ITGA9: variants seen among roughly 807,000 people sequenced by gnomAD.
The protein encoded by ITGA9 is integrin subunit alpha 9.
In ITGA9, 56 loss-of-function variants were observed where a neutral mutation model predicts 127.8. That is an observed-to-expected ratio of 0.44 (90% CI 0.35 to 0.55). ITGA9 has a LOEUF of 0.55. Ranked by LOEUF, ITGA9 falls within the 20% of genes least tolerant of loss-of-function variation. The probability of loss-of-function intolerance (pLI) is 0.00; values close to 1 mark genes in which losing one functional copy is unlikely to be tolerated. For missense variants in ITGA9, 1,196 were observed against 1,347.1 expected (o/e 0.89, Z 1.76); for synonymous variants, 508 against 514.5 (o/e 0.99, Z 0.17).
intron 1 of ITGA9, among the ~76,000 whole-genome samples, chr3:37,464,276 G>GTTT (rs34372799): frequency 3.6e-5 from 5 of 140,664 alleles, no homozygotes; most frequent in African/African-American, 1.3e-4. Context: ...ATTTGTCAGG[G>GTTT]TTTTTTTTTT....
At chr3:37,553,150 C>CAG (rs1559534944) in intron 15 of ITGA9, among the ~76,000 whole-genome samples, 2 of 152,160 alleles carry the variant, frequency 1.3e-5, no homozygotes, top group African/African-American at 4.8e-5. Context: ...TCTATCTATT[C>CAG]GTACTTCTTA....
rs572314981 is a variant in ITGA9 at position 37,486,077 on chromosome 3, T to G, written c.544+4470T>G. ...CGAAATGTTAAGTCAATGCATGTGA[T>G]AAAATCAAGTACAGAGATTTCTTTC... On this transcript the variant is annotated intron_variant, in intron 4 of 27. Coordinates refer to ENST00000264741, the MANE Select transcript of ITGA9 (RefSeq NM_002207.3). Among the ~76,000 whole-genome samples the G allele has an allele frequency of 5.3e-5, 8 of 152,350 alleles. No homozygotes were observed. In the South Asian group the frequency reaches 1.7e-3, roughly 32 times the overall value.
intron 11 of ITGA9, among the ~76,000 whole-genome samples, chr3:37,522,720 C>T (rs1436485437): frequency 1.0e-5 from 1 of 99,252 alleles, no homozygotes; most frequent in Non-Finnish European, 2.2e-5. Context: ...AAGACTCTAT[C>T]TCTTAAAAAA....
chr3:37,486,491 C>T (rs1052153711), intron 4 of ITGA9, among the ~76,000 whole-genome samples: 16 of 152,126 alleles, frequency 1.1e-4, no homozygotes, highest in Non-Finnish European at 2.1e-4. Flanking sequence ...AGTGCTCAGT[C>T]GAGAGTGAAT....
intron 17 of ITGA9, among the ~76,000 whole-genome samples, chr3:37,654,412 A>G (rs1156623891): frequency 6.6e-6 from 1 of 152,156 alleles, no homozygotes; most frequent in Admixed American, 6.6e-5. Flanking sequence ...CTCTTTGCCA[A>G]CCTTTTATTT....
chr3:37,686,152 A>AG (rs199785025), intron 18 of ITGA9, among the ~76,000 whole-genome samples: 12,075 of 152,198 alleles, frequency 0.079, 626 homozygotes, highest in East Asian at 0.11. Context: ...ACTATACACC[A>AG]GGGACTTTTT....
intron 19 of ITGA9, among the ~76,000 whole-genome samples, chr3:37,733,836 T>C (rs1053042963): frequency 6.6e-6 from 1 of 152,192 alleles, no homozygotes; most frequent in African/African-American, 2.4e-5. Context: ...AAAAAGGTAA[T>C]AACTTTCTCA....
intron 24 of ITGA9, among the ~76,000 whole-genome samples, chr3:37,778,035 A>G (rs913190790): frequency 3.3e-5 from 5 of 152,250 alleles, no homozygotes; most frequent in African/African-American, 1.2e-4. Flanking sequence ...ATATCCATAC[A>G]CTGGAATATT....
At chr3:37,651,800 G>C (rs1172471108) in intron 16 of ITGA9, among the ~76,000 whole-genome samples, 4 of 152,288 alleles carry the variant, frequency 2.6e-5, no homozygotes, top group African/African-American at 9.6e-5. Flanking sequence ...CTTGTGGGGA[G>C]GCCCTGGGTG....
At chr3:37,491,128 C>A (rs1698668541) in intron 4 of ITGA9, among the ~76,000 whole-genome samples, 1 of 152,076 alleles carries the variant, frequency 6.6e-6, no homozygotes, top group Non-Finnish European at 1.5e-5. Flanking sequence ...AGGTGTGCAC[C>A]ACCGCATCCA....
chr3:37,662,544 C>T (rs527788940), intron 17 of ITGA9, among the ~76,000 whole-genome samples: 16 of 152,254 alleles, frequency 1.1e-4, no homozygotes, highest in African/African-American at 3.9e-4. Context: ...CTCCTCTCTC[C>T]AACCATAACA....
At chr3:37,801,318 G>A (rs915293611) in intron 26 of ITGA9, among the ~76,000 whole-genome samples, 5 of 152,102 alleles carry the variant, frequency 3.3e-5, no homozygotes, top group African/African-American at 9.7e-5. Flanking sequence ...GAAGGAAGGG[G>A]GAAGGGAGCT....
intron 3 of ITGA9, among the ~76,000 whole-genome samples, chr3:37,475,855 ACT>A (rs1698488371): frequency 6.6e-6 from 1 of 151,840 alleles, no homozygotes; most frequent in Non-Finnish European, 1.5e-5. Flanking sequence ...ATTGAACAAC[ACT>A]CTCCTTTTTC....
rs948576609 is a variant in ITGA9, at chr3:37,761,764, C to T, written c.2541+11195C>T. On this transcript the variant is annotated intron_variant, in intron 23 of 27. Coordinates refer to ENST00000264741, the MANE Select transcript of ITGA9 (RefSeq NM_002207.3). ...CTCAAGACGCAGGTCACAGAGACCC[C>T]GCTGATAAAGCAGGATGTGGTAAAG... Among the ~76,000 whole-genome samples the T allele has an allele frequency of 2.6e-5, 4 of 152,054 alleles. No homozygotes were observed. In the South Asian group the frequency reaches 6.2e-4, roughly 24 times the overall value.
At position 37,736,927 on chromosome 3, in the gene ITGA9, T is replaced by G; in HGVS notation, c.2178T>G (p.Asp726Glu). ...KSKYEFSVIF[D>E]TSHLSGEEEV... ...AGTATGAATTCAGCGTGATCTTTGATACAAGCCACCTGTCTGGGGAAGAGG... is the reference window on the plus strand; with the variant it reads ...AGTATGAATTCAGCGTGATCTTTGAGACAAGCCACCTGTCTGGGGAAGAGG... The change falls in exon 20 of 28, where the codon GAT becomes GAG. Residue 726 changes from aspartate to glutamate, a missense_variant. Physicochemically the swap from Asp to Glu is conservative, Grantham distance 45 (BLOSUM62 2). Coordinates refer to ENST00000264741, the MANE Select transcript of ITGA9 (RefSeq NM_002207.3). 1.2e-6 allele frequency: 2 copies of G among 1,613,706 alleles called. No individual in the cohort carries two copies. The highest frequency in any genetic ancestry group is 1.7e-6 in the Non-Finnish European group (2 of 1,179,576).
intron 18 of ITGA9, among the ~76,000 whole-genome samples, chr3:37,698,610 T>G (rs2125671491): frequency 6.6e-6 from 1 of 152,352 alleles, no homozygotes; most frequent in Admixed American, 6.5e-5. Flanking sequence ...TTGTTTCTGG[T>G]TTTATCTTTT....
Position 37,819,254 on chromosome 3 carries a change from A to G in ITGA9, c.*265A>G. On this transcript the variant is annotated 3_prime_UTR_variant, in exon 28 of 28. Coordinates refer to ENST00000264741, the MANE Select transcript of ITGA9 (RefSeq NM_002207.3). ...GAGCCGAGCAATATTTATGGATGCA[A>G]CACGCATGGTCAACCCTCAGGGGAA... 1.8e-6 allele frequency: 1 copy of G among 546,002 alleles called. No homozygotes were observed. The highest frequency in any genetic ancestry group is 3.3e-6 in the Non-Finnish European group (1 of 304,574). The allele number at this position is 546,002 out of a possible 1,614,324, so 33.8% of individuals were successfully genotyped here. A position where few individuals can be genotyped will look rare whatever the true frequency, so the allele number is the denominator to read the frequency against.
intron 27 of ITGA9, among the ~76,000 whole-genome samples, chr3:37,809,620 GA>G (rs1322301609): frequency 2.6e-5 from 4 of 152,026 alleles, no homozygotes; most frequent in East Asian, 1.9e-4. Flanking sequence ...TTTCTTTAGG[GA>G]AAAAAATTTT....
intron 15 of ITGA9, among the ~76,000 whole-genome samples, chr3:37,566,607 A>C (rs1386748191): frequency 6.6e-6 from 1 of 152,226 alleles, no homozygotes; most frequent in Non-Finnish European, 1.5e-5. Flanking sequence ...AGGTGGGATA[A>C]GTGCTGGGGC....
Sources: allele counts gnomAD v4.1 joint callset (sites outside exome capture counted in the v4.1 genomes callset), GRCh38; gene constraint gnomAD v4.1.1; transcripts MANE v1.5; gene names NCBI Gene and HGNC (gene_info 2026-07-23, HGNC 2026-07-21).